The following FOXP1 variants were observed in gnomAD, a reference collection of about 807,000 sequenced individuals.
FOXP1 encodes forkhead box P1, also known as forkhead box protein P1.
A neutral mutation model predicts 98.2 loss-of-function variants in FOXP1; 15 were observed. The ratio of observed to expected loss-of-function variants is 0.15; its 90% CI spans 0.10 to 0.24. FOXP1 has a LOEUF of 0.24. FOXP1 is among the 10% of genes least tolerant of loss of function. FOXP1 has a pLI of 1.00. For synonymous variants in FOXP1, 371 were observed against 314.5 expected, an observed-to-expected ratio of 1.18 and a Z score of -1.90; for missense variants, 633 against 848.5, an observed-to-expected ratio of 0.75 and a Z score of 3.15.
chr3:71,305,655 T>G (rs2074221401), intron 4 of FOXP1: 1 of 152,218 alleles, frequency 6.6e-6, no homozygotes, highest in Non-Finnish European at 1.5e-5. Flanking sequence ...CTCTCTTTTC[T>G]TTTTAATTCC....
chr3:71,038,734 G>T (rs187714902), intron 11 of FOXP1, among the ~76,000 whole-genome samples: 2 of 151,250 alleles, frequency 1.3e-5, no homozygotes, highest in Admixed American at 1.3e-4. Context: ...TGTGATCATG[G>T]CTCACTGCAG....
chr3:71,343,149 T>G (rs2077112875), intron 4 of FOXP1, among the ~76,000 whole-genome samples: 1 of 152,242 alleles, frequency 6.6e-6, no homozygotes, highest in Admixed American at 6.5e-5. Flanking sequence ...GCTCTGACAC[T>G]TTCCCTGAGG....
intron 6 of FOXP1, among the ~76,000 whole-genome samples, chr3:71,124,058 A>G (rs1008580934): frequency 6.6e-6 from 1 of 152,080 alleles, no homozygotes; most frequent in African/African-American, 2.4e-5. Context: ...GATATCCCCA[A>G]ACTCAGCATC....
intron 3 of FOXP1, among the ~76,000 whole-genome samples, chr3:71,431,425 C>A (rs961216538): frequency 6.6e-6 from 1 of 152,188 alleles, no homozygotes; most frequent in Admixed American, 6.5e-5. Context: ...CTGGATGACT[C>A]AGTGCTCATA....
intron 5 of FOXP1, among the ~76,000 whole-genome samples, chr3:71,200,481 T>C (rs1009567561): frequency 6.6e-6 from 1 of 152,166 alleles, no homozygotes; most frequent in Non-Finnish European, 1.5e-5. Flanking sequence ...TTTACCACAA[T>C]GTGTATTTTT....
At chr3:71,489,977 TAG>T (rs1364522918) in intron 3 of FOXP1, among the ~76,000 whole-genome samples, 1 of 152,204 alleles carries the variant, frequency 6.6e-6, no homozygotes, top group Non-Finnish European at 1.5e-5. Flanking sequence ...CACTCAGAAT[TAG>T]AGTTTATTTC....
chr3:71,202,668 G>C (rs1261412818), intron 5 of FOXP1, among the ~76,000 whole-genome samples: 1 of 152,284 alleles, frequency 6.6e-6, no homozygotes. Context: ...CCATTATTAA[G>C]AATCTCCAGT....
At chr3:71,002,768 C>G (rs990554161) in intron 12 of FOXP1, among the ~76,000 whole-genome samples, 6 of 152,162 alleles carry the variant, frequency 3.9e-5, no homozygotes, top group African/African-American at 1.4e-4. Context: ...ATTCAGAAAT[C>G]GAGGTTCAAG....
intron 5 of FOXP1, among the ~76,000 whole-genome samples, chr3:71,226,003 T>C (rs978669652): frequency 2.0e-5 from 3 of 152,204 alleles, no homozygotes; most frequent in African/African-American, 4.8e-5. Context: ...ATGGTAGCTT[T>C]GCAAGCTGAG....
intron 4 of FOXP1, among the ~76,000 whole-genome samples, chr3:71,339,975 C>T (rs1009740305): frequency 2.0e-5 from 3 of 152,122 alleles, no homozygotes; most frequent in Non-Finnish European, 4.4e-5. Flanking sequence ...TATTTTATTG[C>T]TCATAAACAC....
intron 2 of FOXP1, among the ~76,000 whole-genome samples, chr3:71,498,439 A>G (rs62244860): frequency 0.3 from 46,203 of 151,968 alleles, 8,650 homozygotes; most frequent in Non-Finnish European, 0.43. Context: ...ATTTGCATCT[A>G]TTTTTCAACC....
At chr3:71,483,893 A>T (rs1344322088) in intron 3 of FOXP1, among the ~76,000 whole-genome samples, 1 of 152,104 alleles carries the variant, frequency 6.6e-6, no homozygotes, top group Non-Finnish European at 1.5e-5. Context: ...AACAGAAGGA[A>T]CCTACCTCCA....
chr3:71,152,127 G>A (rs139636800), intron 6 of FOXP1, among the ~76,000 whole-genome samples: 3 of 152,324 alleles, frequency 2.0e-5, no homozygotes, highest in African/African-American at 7.2e-5. Flanking sequence ...GGCTGTTCCT[G>A]AAGACAGAGA....
At chr3:71,509,111 T>C (rs1339397494) in intron 2 of FOXP1, among the ~76,000 whole-genome samples, 1 of 152,224 alleles carries the variant, frequency 6.6e-6, no homozygotes, top group African/African-American at 2.4e-5. Flanking sequence ...CTTGCCATCA[T>C]TTTTTCATAT....
At chr3:71,578,357 C>A (rs1389436580) in intron 2 of FOXP1, among the ~76,000 whole-genome samples, 1 of 152,124 alleles carries the variant, frequency 6.6e-6, no homozygotes, top group African/African-American at 2.4e-5. Context: ...GTTCTGACAG[C>A]CTGCAATCTA....
chr3:70,965,091 GGA>G (rs1298286870), intron 20 of FOXP1, among the ~76,000 whole-genome samples: 2 of 152,200 alleles, frequency 1.3e-5, no homozygotes, highest in Admixed American at 1.3e-4. Context: ...TCACTAAAAG[GGA>G]GAGACTGTCA....
chr3:71,482,989 C>T (rs1174137485), intron 3 of FOXP1, among the ~76,000 whole-genome samples: 4 of 151,928 alleles, frequency 2.6e-5, no homozygotes, highest in Non-Finnish European at 5.9e-5. Flanking sequence ...GTGCAAGCTA[C>T]CACATCCGGC....
At chr3:70,977,585 ATATCCATG>A in intron 16 of FOXP1, 50 bp downstream of exon 16, 1 of 1,351,428 alleles carries the variant, frequency 7.4e-7, no homozygotes, top group Non-Finnish European at 1.1e-6. Flanking sequence ...TCATCAATAT[ATATCCATG>A]TACACATATA....
chr3:71,300,553 C>T (rs2073756502), intron 4 of FOXP1, among the ~76,000 whole-genome samples: 1 of 152,154 alleles, frequency 6.6e-6, no homozygotes, highest in Non-Finnish European at 1.5e-5. Flanking sequence ...ACATTTTACC[C>T]CACATCCTAC....
Sources: gnomAD v4.1 joint callset for allele counts (sites outside exome capture counted in the v4.1 genomes callset) on GRCh38, gnomAD v4.1.1 for gene constraint, MANE v1.5 for transcripts, NCBI Gene and HGNC (gene_info 2026-07-23, HGNC 2026-07-21) for gene names.